GOLGB1: variants seen among roughly 807,000 people sequenced by gnomAD.
GOLGB1 encodes the protein golgin B1.
Under a neutral mutation model 336.9 loss-of-function variants are expected in GOLGB1, and 174 were observed. That is an observed-to-expected ratio of 0.52 (90% CI 0.46 to 0.59). The LOEUF (loss-of-function observed/expected upper bound fraction) is 0.59, where lower values mean the gene tolerates loss of function less well. Ranked by LOEUF, GOLGB1 falls within the 20% of genes least tolerant of loss-of-function variation. The pLI is 0.00. For synonymous variants in GOLGB1, 1,208 were observed against 1,289.2 expected, an observed-to-expected ratio of 0.94 and a Z score of 1.35; for missense variants, 3,331 against 3,645.3, an observed-to-expected ratio of 0.91 and a Z score of 2.22.
Position 121,695,643 on chromosome 3 carries a change from T to C in GOLGB1, c.4880A>G (p.Tyr1627Cys). Reference protein sequence around the residue: ...QKEYEILLQSYENVSNEAERI... With the variant: ...QKEYEILLQSCENVSNEAERI... ...TTCTGCTTCATTACTAACATTCTCA[T>C]AGGACTGCAGAAGAATTTCATACTC... Residue 1627 changes from tyrosine to cysteine, a missense_variant, in exon 13 of 22, where the codon TAT (tyrosine) becomes TGT (cysteine). Transcript: ENST00000614479. 3.7e-6 allele frequency: 6 copies of C among 1,613,602 alleles called. No individual in the cohort carries two copies. Among genetic ancestry groups the C allele is most frequent in the Non-Finnish European group, 5.1e-6 (6 of 1,179,960 alleles).
chr3:121,725,620 G>A (rs2108232327), intron 5 of GOLGB1, among the ~76,000 whole-genome samples: 1 of 152,224 alleles, frequency 6.6e-6, no homozygotes, highest in Admixed American at 6.5e-5. Context: ...AAGAATATGA[G>A]TTTTGGAGAG....
intron 6 of GOLGB1, among the ~76,000 whole-genome samples, chr3:121,720,603 T>C (rs1012283770): frequency 2.6e-5 from 4 of 152,210 alleles, no homozygotes; most frequent in Admixed American, 2.0e-4. Context: ...TTGGCTTTCT[T>C]TTTTGGTAGG....
chr3:121,678,119 A>T (rs2107642588), intron 15 of GOLGB1, among the ~76,000 whole-genome samples: 1 of 152,332 alleles, frequency 6.6e-6, no homozygotes, highest in Admixed American at 6.5e-5. Flanking sequence ...CTCTGCAATC[A>T]TCATCATTTG....
chr3:121,730,802 T>C, intron 2 of GOLGB1, 74 bp downstream of exon 2: 2 of 1,469,078 alleles, frequency 1.4e-6, no homozygotes, highest in Non-Finnish European at 1.8e-6. Flanking sequence ...CACACCCTTC[T>C]ATCTTAAATT....
chr3:121,704,024 G>A (rs537433012), intron 10 of GOLGB1, among the ~76,000 whole-genome samples: 10 of 152,078 alleles, frequency 6.6e-5, no homozygotes, highest in Admixed American at 2.0e-4. Flanking sequence ...CAATGTGATA[G>A]GCTTGACAGT....
intron 5 of GOLGB1, among the ~76,000 whole-genome samples, chr3:121,724,426 G>A (rs965949678): frequency 9.2e-5 from 14 of 152,178 alleles, no homozygotes; most frequent in Admixed American, 3.9e-4. Flanking sequence ...GTATGGCCAA[G>A]AACTTTGTAG....
chr3:121,716,130 G>T (rs10470410), intron 9 of GOLGB1, among the ~76,000 whole-genome samples: 51,521 of 152,048 alleles, frequency 0.34, 9,425 homozygotes, highest in Non-Finnish European at 0.42. Context: ...TGGGGAAGAG[G>T]ATTGGTGAGA....
chr3:121,745,981 C>T (rs1003079981), intron 1 of GOLGB1, among the ~76,000 whole-genome samples: 4 of 152,032 alleles, frequency 2.6e-5, no homozygotes, highest in African/African-American at 9.7e-5. Flanking sequence ...AAAGCATGTC[C>T]CTAGCCACCG....
At chr3:121,722,723 GA>G (rs1169329104) in intron 5 of GOLGB1, among the ~76,000 whole-genome samples, 2 of 152,078 alleles carry the variant, frequency 1.3e-5, no homozygotes, top group African/African-American at 4.8e-5. Context: ...AAACCCACAA[GA>G]ACTACATTGT....
rs1222683086 is a variant in GOLGB1, at chr3:121,694,780, T to G, written c.5743A>C (p.Lys1915Gln). The change falls in exon 13 of 22, where the codon AAA becomes CAA. Residue 1915 changes from lysine (K) to glutamine (Q), a missense_variant. Transcript: ENST00000614479. ...TCTTCTTCTGCTGTCTCCTTTAGTT[T>G]GGTAACTCTGGAGAGTTCTTCTTGG... ...QIQEELSRVT[K>Q]LKETAEEEKD... 6.2e-7 allele frequency: 1 copy of G among 1,612,986 alleles called. No individual in the cohort carries two copies. Among genetic ancestry groups the G allele is most frequent in the Admixed American group, 1.7e-5 (1 of 60,012 alleles).
intron 17 of GOLGB1, among the ~76,000 whole-genome samples, chr3:121,675,054 T>C (rs1940166428): frequency 6.6e-6 from 1 of 151,650 alleles, no homozygotes; most frequent in African/African-American, 2.4e-5. Context: ...GCCAGGATGG[T>C]CTCGATCTCC....
Position 121,694,726 on chromosome 3 carries a change from T to G in GOLGB1, c.5797A>C (p.Asn1933His). The change falls in exon 13 of 22, where the codon AAT becomes CAT. Residue 1933 changes from asparagine to histidine, a missense_variant. Asn to His is a moderately conservative substitution (Grantham distance 68). Coordinates refer to ENST00000614479, the MANE Select transcript of GOLGB1 (RefSeq NM_001366282.2). ...CTTCCATTAAGTTCTGCTAATTGAT[T>G]CATAAGCCTCTCTTCCAAATCATCT... The part of the protein sequence containing the change: ...EKDDLEERLM[N>H]QLAELNGSIG... The G allele has an allele frequency of 2.5e-6, 4 of 1,612,392 alleles. No homozygotes were observed. Among genetic ancestry groups the G allele is most frequent in the Non-Finnish European group, 3.4e-6 (4 of 1,179,940 alleles).
rs773371329 is a variant in GOLGB1, at chr3:121,717,059, G to A, written c.966C>T (p.Ser322=). The change falls in exon 9 of 22, where the codon TCC becomes TCT. Residue 322 remains serine (S), a synonymous_variant. Coordinates refer to ENST00000614479, the MANE Select transcript of GOLGB1 (RefSeq NM_001366282.2). The part of the protein sequence containing the change: ...RNTVETEREE[S]KILLEKMELE... ...GTTCCATCTTTTCCAGTAGAATCTTGGACTCCTCTCTTTCTGTTTCCACAG... is the reference window on the plus strand; with the variant it reads ...GTTCCATCTTTTCCAGTAGAATCTTAGACTCCTCTCTTTCTGTTTCCACAG... 5.7e-5 allele frequency: 92 copies of A among 1,612,614 alleles called. No homozygotes were observed. In the Middle Eastern group the frequency reaches 6.6e-4, roughly 12 times the overall value.
intron 1 of GOLGB1, among the ~76,000 whole-genome samples, chr3:121,732,077 G>A (rs1946158841): frequency 6.6e-6 from 1 of 152,088 alleles, no homozygotes; most frequent in African/African-American, 2.4e-5. Context: ...GATAAAATGG[G>A]TCAGTTCACT....
chr3:121,686,611 G>T (rs963924838), intron 14 of GOLGB1, among the ~76,000 whole-genome samples: 1 of 151,994 alleles, frequency 6.6e-6, no homozygotes, highest in Non-Finnish European at 1.5e-5. Flanking sequence ...CACTTACCAG[G>T]AGTTTGCAAT....
intron 5 of GOLGB1, among the ~76,000 whole-genome samples, chr3:121,726,303 G>A (rs1186044080): frequency 6.6e-6 from 1 of 150,924 alleles, no homozygotes; most frequent in East Asian, 1.9e-4. Context: ...GCATGGTGGT[G>A]CATGCCTGTA....
At position 121,716,857 on chromosome 3, in the gene GOLGB1, G is replaced by A. The variant is rs968916558; in HGVS notation, c.1168C>T (p.Gln390Ter). 1 of 1,613,724 alleles carries A rather than the reference G, an allele frequency of 6.2e-7. No individual in the cohort carries two copies. Among genetic ancestry groups the A allele is most frequent in the Non-Finnish European group, 8.5e-7 (1 of 1,179,748 alleles). ...GACTGCAGCTCTTGTCCAGTCTTTT[G>A]AAGACTCAAAATATGAGAGGTCTTC... ...EEKTSHILSL[Q>*]KTGQELQSAC... The change falls in exon 9 of 22, where the codon CAA becomes TAA. Residue 390 changes from glutamine to a stop codon, truncating the protein, a stop_gained. Transcript: ENST00000614479. LOFTEE classifies it high-confidence loss of function.
chr3:121,694,006 T>C lies in GOLGB1; in HGVS notation c.6517A>G (p.Lys2173Glu). 1 of 1,614,168 alleles carries C rather than the reference T, an allele frequency of 6.2e-7. No individual in the cohort carries two copies. Among genetic ancestry groups the C allele is most frequent in the Non-Finnish European group, 8.5e-7 (1 of 1,180,018 alleles). ...TIGEIQVTLN[K>E]KDKEVQQLQE... ...AGTTGCTGAACTTCCTTGTCTTTCT[T>C]GTTCAAAGTAACCTGAATCTCTCCA... is the stretch of plus-strand genomic sequence containing the variant. The change falls in exon 13 of 22, where the codon AAG becomes GAG. Residue 2173 changes from lysine to glutamate, a missense_variant. Transcript: ENST00000614479.
At chr3:121,734,114 G>C (rs567265665) in intron 1 of GOLGB1, among the ~76,000 whole-genome samples, 2 of 152,140 alleles carry the variant, frequency 1.3e-5, no homozygotes, top group Non-Finnish European at 2.9e-5. Context: ...CTGAAGCCAG[G>C]CGTGGTGGCT....
Sources: allele counts gnomAD v4.1 joint callset (sites outside exome capture counted in the v4.1 genomes callset), GRCh38; gene constraint gnomAD v4.1.1; transcripts MANE v1.5; gene names NCBI Gene and HGNC (gene_info 2026-07-23, HGNC 2026-07-21).